The following LRRTM3 variants were observed in gnomAD, a reference collection of about 807,000 sequenced individuals.
LRRTM3 encodes the protein leucine-rich repeat transmembrane neuronal protein 3.
LRRTM3 carries 24 observed loss-of-function variants against 44.7 expected under a neutral mutation model. That is an observed-to-expected ratio of 0.54 (90% CI 0.39 to 0.76). LRRTM3 has a LOEUF of 0.76. Ranked by LOEUF, LRRTM3 falls within the 30% of genes least tolerant of loss-of-function variation. The pLI is 0.00. For missense variants in LRRTM3, 587 were observed against 702.2 expected, an observed-to-expected ratio of 0.84 and a Z score of 1.85; for synonymous variants, 277 against 278.7, an observed-to-expected ratio of 0.99 and a Z score of 0.06.
rs1475364130 is a variant in LRRTM3 at position 66,927,519 on chromosome 10, T to C, written c.603T>C (p.Phe201=). ...NRIRSLARNV[F]AGMIRLKELH... ...TCCGAAGTTTAGCCAGGAATGTCTT[T>C]GCTGGCATGATCAGACTCAAAGAAC... is the stretch of plus-strand genomic sequence containing the variant. The change falls in exon 2 of 3, where the codon TTT becomes TTC. Residue 201 remains phenylalanine, a synonymous_variant. Transcript: ENST00000361320. The surrounding 1 kb of genome is among the most constrained non-coding windows in gnomAD (Gnocchi z 4.7). The C allele has an allele frequency of 1.2e-6, 2 of 1,614,194 alleles. No individual in the cohort carries two copies. Among genetic ancestry groups the C allele is most frequent in the Non-Finnish European group, 1.7e-6 (2 of 1,180,044 alleles).
chr10:67,086,035 G>A (rs1475155378), intron 2 of LRRTM3, among the ~76,000 whole-genome samples: 3 of 151,868 alleles, frequency 2.0e-5, no homozygotes, highest in Non-Finnish European at 4.4e-5. Context: ...TGTAAAATCA[G>A]GGAATTGGTT....
intron 2 of LRRTM3, among the ~76,000 whole-genome samples, chr10:66,951,318 G>A (rs939401770): frequency 2.0e-5 from 3 of 151,998 alleles, no homozygotes; most frequent in Admixed American, 6.6e-5. Flanking sequence ...GTTTCACCAT[G>A]TTGGCCAGGC....
At chr10:67,028,173 CCTTTT>C (rs1157663915) in intron 2 of LRRTM3, among the ~76,000 whole-genome samples, 1 of 152,156 alleles carries the variant, frequency 6.6e-6, no homozygotes, top group Non-Finnish European at 1.5e-5. Context: ...TGGAGCCCAA[CCTTTT>C]CTTTTCACTG....
intron 2 of LRRTM3, among the ~76,000 whole-genome samples, chr10:67,041,934 A>G (rs1854416976): frequency 6.6e-6 from 1 of 152,156 alleles, no homozygotes; most frequent in Admixed American, 6.5e-5. Context: ...GGGGTATCAA[A>G]AAGTTTGTGA....
In LRRTM3 at chr10:67,039,212, C is replaced by T. The variant is rs565523841; in HGVS notation, c.1537-58375C>T. 2.2e-4 allele frequency among the ~76,000 whole-genome samples: 33 copies of T among 152,074 alleles called. 1 individual carries two copies. Among genetic ancestry groups the T allele is most frequent in the South Asian group, 1.0e-3 (5 of 4,822 alleles). Reference sequence around the variant, plus strand: ...AATTACAACTTCACAAACTGTAACTCGAGGAAAATTACAGGTTATACCAAG... The same window carrying T: ...AATTACAACTTCACAAACTGTAACTTGAGGAAAATTACAGGTTATACCAAG... On this transcript the variant is annotated intron_variant, in intron 2 of 2. Transcript: ENST00000361320.
intron 2 of LRRTM3, among the ~76,000 whole-genome samples, chr10:67,065,546 A>C (rs1349350733): frequency 6.6e-6 from 1 of 152,088 alleles, no homozygotes; most frequent in Non-Finnish European, 1.5e-5. Context: ...AGGAAGTATA[A>C]GCTTCCCACT....
chr10:66,956,488 G>T (rs1397535330), intron 2 of LRRTM3, among the ~76,000 whole-genome samples: 3 of 151,942 alleles, frequency 2.0e-5, no homozygotes, highest in African/African-American at 7.3e-5. Context: ...TGTCATCCAG[G>T]CAATAAACAA....
At chr10:66,980,334 G>A (rs115250531) in intron 2 of LRRTM3, among the ~76,000 whole-genome samples, 1,859 of 152,172 alleles carry the variant, frequency 0.012, 32 homozygotes, top group African/African-American at 0.043. Context: ...ACACTAGGGC[G>A]AGGAAATGCT....
intron 2 of LRRTM3, among the ~76,000 whole-genome samples, chr10:67,063,754 T>G (rs1172337753): frequency 6.6e-6 from 1 of 152,206 alleles, no homozygotes. Context: ...TCTTACATAC[T>G]CTCTTATCAG....
At chr10:67,052,962 A>G (rs1156961617) in intron 2 of LRRTM3, among the ~76,000 whole-genome samples, 1 of 152,226 alleles carries the variant, frequency 6.6e-6, no homozygotes, top group African/African-American at 2.4e-5. Flanking sequence ...ACCTCAAAGT[A>G]TGTTCATTGT....
chr10:66,941,061 G>GA (rs1423090373), intron 2 of LRRTM3, among the ~76,000 whole-genome samples: 10 of 152,190 alleles, frequency 6.6e-5, no homozygotes, highest in Non-Finnish European at 8.8e-5. Context: ...GACGATGGGG[G>GA]AAAGGCAGTT....
intron 2 of LRRTM3, among the ~76,000 whole-genome samples, chr10:67,019,292 C>A (rs1404889673): frequency 2.0e-5 from 3 of 152,194 alleles, no homozygotes; most frequent in Non-Finnish European, 4.4e-5. Context: ...TATCTTGGCT[C>A]ACCACAACCT....
intron 2 of LRRTM3, among the ~76,000 whole-genome samples, chr10:67,063,906 T>C (rs930093446): frequency 1.3e-4 from 20 of 152,168 alleles, no homozygotes; most frequent in African/African-American, 4.8e-4. Context: ...GGAAACTGAT[T>C]TGATATGTTT....
At chr10:66,975,632 G>GTCA (rs1849987886) in intron 2 of LRRTM3, among the ~76,000 whole-genome samples, 1 of 152,140 alleles carries the variant, frequency 6.6e-6, no homozygotes, top group East Asian at 1.9e-4. Context: ...TTAGTGGTTT[G>GTCA]TGTATAACTT....
chr10:66,972,093 G>T (rs1382831630), intron 2 of LRRTM3, among the ~76,000 whole-genome samples: 1 of 152,044 alleles, frequency 6.6e-6, no homozygotes, highest in South Asian at 2.1e-4. Context: ...TTTAAGCTTT[G>T]TTTAGTGTTG....
intron 2 of LRRTM3, among the ~76,000 whole-genome samples, chr10:66,952,747 G>T (rs1425344504): frequency 6.6e-6 from 1 of 151,764 alleles, no homozygotes; most frequent in African/African-American, 2.4e-5. Context: ...TACAGCCAGG[G>T]ACTCTTCTGC....
chr10:66,948,065 C>T (rs1848363742), intron 2 of LRRTM3, among the ~76,000 whole-genome samples: 1 of 152,156 alleles, frequency 6.6e-6, no homozygotes, highest in Non-Finnish European at 1.5e-5. Context: ...CATATCTAAA[C>T]ATAGAAAAGG....
intron 2 of LRRTM3, among the ~76,000 whole-genome samples, chr10:67,080,933 CAA>C (rs770198657): frequency 7.0e-6 from 1 of 142,036 alleles, no homozygotes; most frequent in Non-Finnish European, 1.5e-5. Flanking sequence ...AACAAAAAAA[CAA>C]CAAAAAAAAA....
At chr10:66,987,576 A>G (rs1333531162) in intron 2 of LRRTM3, among the ~76,000 whole-genome samples, 1 of 152,172 alleles carries the variant, frequency 6.6e-6, no homozygotes, top group Non-Finnish European at 1.5e-5. Flanking sequence ...TTGCCATGAA[A>G]ATTCATCCAG....
Sources: allele counts gnomAD v4.1 joint callset (sites outside exome capture counted in the v4.1 genomes callset), GRCh38; gene constraint gnomAD v4.1.1; non-coding constraint Gnocchi (gnomAD v3.1); transcripts MANE v1.5; gene names NCBI Gene and HGNC (gene_info 2026-07-23, HGNC 2026-07-21).